DNAH8: variants seen among roughly 807,000 people sequenced by gnomAD.
DNAH8 encodes axonemal beta dynein heavy chain 8.
Under a neutral mutation model 562.1 loss-of-function variants are expected in DNAH8, and 382 were observed. The ratio of observed to expected loss-of-function variants is 0.68; its 90% CI spans 0.63 to 0.74. The LOEUF (loss-of-function observed/expected upper bound fraction) is 0.74. Ranked by LOEUF, DNAH8 falls within the 30% of genes least tolerant of loss-of-function variation. The probability of loss-of-function intolerance (pLI) is 0.00; values close to 1 mark genes in which losing one functional copy is unlikely to be tolerated. For missense variants in DNAH8, 5,203 were observed against 5,620.4 expected (o/e 0.93, Z 2.37); for synonymous variants, 1,881 against 1,919.4 (o/e 0.98, Z 0.52).
chr6:38,992,964 T>C (rs1764894483), intron 88 of DNAH8, among the ~76,000 whole-genome samples: 1 of 152,214 alleles, frequency 6.6e-6, no homozygotes, highest in Non-Finnish European at 1.5e-5. Context: ...TATATTTATA[T>C]CTCTGTATGC....
chr6:38,812,145 G>A (rs1294360054), intron 24 of DNAH8, among the ~76,000 whole-genome samples: 1 of 152,056 alleles, frequency 6.6e-6, no homozygotes, highest in Non-Finnish European at 1.5e-5. Context: ...ATCCCTCATT[G>A]AGTCCTGTCC....
At position 38,825,094 on chromosome 6, in the gene DNAH8, A is replaced by G. The variant is rs546296201; in HGVS notation, c.3848-1062A>G. 3.3e-5 allele frequency among the ~76,000 whole-genome samples: 5 copies of G among 152,282 alleles called. No individual in the cohort carries two copies. In the East Asian group the frequency reaches 9.7e-4, roughly 29 times the overall value. ...TGTTTTTGGAGAGTGGCATCTAAAA[A>G]TGGAAGAGGTGATGGTAGTTATAAA... On this transcript the variant is annotated intron_variant, in intron 28 of 92. Coordinates refer to ENST00000327475, the MANE Select transcript of DNAH8 (RefSeq NM_001206927.2).
chr6:38,893,170 AAAAT>A (rs1298099130), intron 58 of DNAH8, among the ~76,000 whole-genome samples: 2 of 152,228 alleles, frequency 1.3e-5, no homozygotes, highest in Non-Finnish European at 2.9e-5. Flanking sequence ...CAGTCATTGA[AAAAT>A]GAATGAATCT....
chr6:38,879,106 A>G (rs572980082), intron 53 of DNAH8, among the ~76,000 whole-genome samples: 1 of 152,268 alleles, frequency 6.6e-6, no homozygotes, highest in African/African-American at 2.4e-5. Flanking sequence ...ACCTTCCCAC[A>G]AAGAAAAACA....
chr6:39,003,381 C>A (rs1765606429), intron 88 of DNAH8, among the ~76,000 whole-genome samples: 1 of 152,054 alleles, frequency 6.6e-6, no homozygotes, highest in Non-Finnish European at 1.5e-5. Context: ...ATGGGCTTTG[C>A]CTTATGGGGA....
At chr6:38,890,860 T>A in intron 58 of DNAH8, 99 bp downstream of exon 58, 1 of 778,642 alleles carries the variant, frequency 1.3e-6, no homozygotes, top group Non-Finnish European at 2.2e-6. Context: ...TCATATATAG[T>A]GGTGTTTTTT....
Position 38,899,796 on chromosome 6 carries a change from G to T in DNAH8, c.9084G>T (p.Thr3028=). The T allele has an allele frequency of 1.2e-6, 2 of 1,613,560 alleles. No individual in the cohort carries two copies. The highest frequency in any genetic ancestry group is 1.7e-6 in the Non-Finnish European group (2 of 1,179,728). Residue 3028 remains threonine, a synonymous_variant, in exon 62 of 93, where the codon ACG becomes ACT. Transcript: ENST00000327475. ...AACAGATTTCACGAATAATTCGAAC[G>T]TCGTGTGGAAATGCATTGCTGGTGG... ...HLIKISRIIR[T]SCGNALLVGV...
intron 88 of DNAH8, among the ~76,000 whole-genome samples, chr6:38,994,639 CTTTT>C (rs1561954962): frequency 9.1e-6 from 1 of 109,410 alleles, no homozygotes; most frequent in Non-Finnish European, 1.8e-5. Flanking sequence ...TCACCAGTGA[CTTTT>C]TTTTTCTTTT....
At chr6:38,853,970 A>C (rs1248030753) in intron 41 of DNAH8, among the ~76,000 whole-genome samples, 1 of 152,042 alleles carries the variant, frequency 6.6e-6, no homozygotes, top group Non-Finnish European at 1.5e-5. Flanking sequence ...CGTAAAGTAA[A>C]AAAAATTTTT....
In DNAH8 at chr6:38,722,851, A is replaced by G. The variant is rs933123302; in HGVS notation, c.42A>G (p.Ala14=). The change falls in exon 2 of 93, where the codon GCA becomes GCG. Residue 14 remains alanine, a synonymous_variant. Transcript: ENST00000327475. Reference sequence around the variant, plus strand: ...AAGATGGCGCCCCTTCTGAGGGAGCAGAGGCTCCTCCCTCTACGGAAGAGG... The same window carrying G: ...AAGATGGCGCCCCTTCTGAGGGAGCGGAGGCTCCTCCCTCTACGGAAGAGG... ...DAEDGAPSEG[A]EAPPSTEEAA... 6 of 1,609,244 alleles carry G rather than the reference A, an allele frequency of 3.7e-6. No homozygotes were observed. Among genetic ancestry groups the G allele is most frequent in the Non-Finnish European group, 5.1e-6 (6 of 1,177,934 alleles).
In DNAH8 at chr6:38,886,859, C is replaced by T. The variant is rs772546522; in HGVS notation, c.8328C>T (p.Asp2776=). The T allele has an allele frequency of 1.7e-5, 28 of 1,614,074 alleles. No individual in the cohort carries two copies. Among genetic ancestry groups the T allele is most frequent in the Non-Finnish European group, 2.4e-5 (28 of 1,179,950 alleles). The change falls in exon 57 of 93, where the codon GAC becomes GAT. Residue 2776 remains aspartate (D), a synonymous_variant. Coordinates refer to ENST00000327475, the MANE Select transcript of DNAH8 (RefSeq NM_001206927.2). ...EGMYSLDKPG[D]FTTIVDVQLI... Reference sequence around the variant, plus strand: ...TGTACAGCTTGGACAAGCCTGGAGACTTCACTACTATTGTTGATGTGCAGC... The same window carrying T: ...TGTACAGCTTGGACAAGCCTGGAGATTTCACTACTATTGTTGATGTGCAGC...
intron 62 of DNAH8, among the ~76,000 whole-genome samples, chr6:38,902,066 C>G (rs962582086): frequency 2.0e-5 from 3 of 152,150 alleles, no homozygotes; most frequent in African/African-American, 7.2e-5. Context: ...TTCCTGTAGG[C>G]ATCTAAATTT....
chr6:38,925,929 A>G, intron 73 of DNAH8, 126 bp from the exon 74 acceptor site: 1 of 878,854 alleles, frequency 1.1e-6, no homozygotes, highest in Admixed American at 3.1e-5. Flanking sequence ...TCGAAGTACA[A>G]GTTGCATAGT....
chr6:38,863,722 G>T (rs1776820433), intron 44 of DNAH8, 151 bp from the exon 45 acceptor site: 1 of 583,472 alleles, frequency 1.7e-6, no homozygotes, highest in Non-Finnish European at 2.9e-6. Context: ...TTTATCACTG[G>T]AATTAAATAT....
chr6:38,991,016 A>T (rs754714335), intron 88 of DNAH8, among the ~76,000 whole-genome samples: 34 of 152,182 alleles, frequency 2.2e-4, no homozygotes, highest in Non-Finnish European at 4.0e-4. Context: ...AGAGTGGGGC[A>T]TTCCTCTCTC....
chr6:38,760,777 C>A (rs982357449), intron 10 of DNAH8, among the ~76,000 whole-genome samples: 1 of 152,152 alleles, frequency 6.6e-6, no homozygotes, highest in Admixed American at 6.5e-5. Context: ...TGCTTGCTCT[C>A]ATATGAGGCC....
chr6:39,000,523 G>T (rs1008796100), intron 88 of DNAH8, among the ~76,000 whole-genome samples: 1 of 152,208 alleles, frequency 6.6e-6, no homozygotes, highest in Non-Finnish European at 1.5e-5. Context: ...ATTCTCATAG[G>T]AGCGAGAACC....
At chr6:38,995,883 C>T (rs1362719865) in intron 88 of DNAH8, among the ~76,000 whole-genome samples, 1 of 152,224 alleles carries the variant, frequency 6.6e-6, no homozygotes, top group African/African-American at 2.4e-5. Flanking sequence ...CGAGGCAGCT[C>T]TGTTCAACCA....
At chr6:38,926,277 A>T (rs1217806731) in intron 74 of DNAH8, 67 bp downstream of exon 74, 6 of 1,542,738 alleles carry the variant, frequency 3.9e-6, no homozygotes, top group South Asian at 1.2e-5. Flanking sequence ...ATTTTGATTG[A>T]ATCTGCAGTC....
Sources: allele counts gnomAD v4.1 joint callset (sites outside exome capture counted in the v4.1 genomes callset), GRCh38; gene constraint gnomAD v4.1.1; transcripts MANE v1.5; gene names NCBI Gene and HGNC (gene_info 2026-07-23, HGNC 2026-07-21).